Variants in DCAKD observed in about 807,000 individuals in gnomAD.
DCAKD encodes the protein dephospho-CoA kinase domain-containing protein.
DCAKD carries 15 observed loss-of-function variants against 18.7 expected under a neutral mutation model. The observed-to-expected ratio is 0.80, with a 90% CI of 0.54 to 1.24. DCAKD has a LOEUF of 1.24. Ranked by LOEUF, DCAKD falls within the 50% of genes most tolerant of loss-of-function variation. The probability of loss-of-function intolerance (pLI) is 0.00; values close to 1 mark genes in which losing one functional copy is unlikely to be tolerated. For synonymous variants in DCAKD, 130 were observed against 133.0 expected, an observed-to-expected ratio of 0.98 and a Z score of 0.16; for missense variants, 301 against 322.0, an observed-to-expected ratio of 0.93 and a Z score of 0.50.
At chr17:45,030,626 GAAACAAAC>G (rs750310923) in intron 3 of DCAKD, among the ~76,000 whole-genome samples, 1 of 152,182 alleles carries the variant, frequency 6.6e-6, no homozygotes, top group Non-Finnish European at 1.5e-5. Flanking sequence ...TTATTTCTCA[GAAACAAAC>G]AAACAAACAA....
intron 4 of DCAKD, among the ~76,000 whole-genome samples, chr17:45,027,030 C>T (rs565585156): frequency 6.6e-6 from 1 of 152,286 alleles, no homozygotes; most frequent in African/African-American, 2.4e-5. Flanking sequence ...ACTTATTCCA[C>T]AATTGACAAA....
At chr17:45,041,842 T>C (rs1461636745) in intron 1 of DCAKD, among the ~76,000 whole-genome samples, 1 of 151,660 alleles carries the variant, frequency 6.6e-6, no homozygotes, top group Non-Finnish European at 1.5e-5. Context: ...TGGGGGGCCA[T>C]GCATGGTGGC....
At chr17:45,037,186 G>C (rs1486193551) in intron 1 of DCAKD, among the ~76,000 whole-genome samples, 1 of 152,072 alleles carries the variant, frequency 6.6e-6, no homozygotes, top group African/African-American at 2.4e-5. Flanking sequence ...TCATTTCTAG[G>C]CCACGCACGG....
chr17:45,056,169 A>AG (rs1451303879), upstream of DCAKD, among the ~76,000 whole-genome samples: 1 of 151,566 alleles, frequency 6.6e-6, no homozygotes, highest in Non-Finnish European at 1.5e-5. Flanking sequence ...AAAAAAAAAA[A>AG]AAGAAGGTTA....
At chr17:45,025,943 G>C (rs1597936598) in intron 4 of DCAKD, among the ~76,000 whole-genome samples, 2 of 145,042 alleles carry the variant, frequency 1.4e-5, no homozygotes, top group African/African-American at 5.1e-5. Context: ...TTTTTTTTGA[G>C]ACGGAGTCTC....
At chr17:45,057,233 A>G (rs1385627121) in intron 1 of DCAKD, among the ~76,000 whole-genome samples, 1 of 151,736 alleles carries the variant, frequency 6.6e-6, no homozygotes, top group East Asian at 2.0e-4. Context: ...TTTTAGAGAC[A>G]GGGTCCTCTA....
rs913668981 is a variant in DCAKD at position 45,034,449 on chromosome 17, C to T, written c.113-59G>A. ...GAAGCCTCAGGGCCAGTCAGAGGAC[C>T]TCAGTGACCAGGGGCAAAATGATGG... On this transcript the variant is annotated intron_variant, in intron 2 of 4. Transcript: ENST00000651974. The T allele has an allele frequency of 3.8e-6, 6 of 1,587,302 alleles. No individual in the cohort carries two copies. The African/African-American group carries it at 8.1e-5, about 21-fold the overall frequency.
intron 3 of DCAKD, among the ~76,000 whole-genome samples, chr17:45,032,840 G>C (rs2053200666): frequency 6.6e-6 from 1 of 151,876 alleles, no homozygotes; most frequent in Admixed American, 6.6e-5. Flanking sequence ...TGTAGTGACT[G>C]AGAGTGGGGT....
intron 2 of DCAKD, 69 bp downstream of exon 2, chr17:45,034,705 G>A (rs1371510580): frequency 2.7e-6 from 4 of 1,500,480 alleles, no homozygotes; most frequent in Non-Finnish European, 3.6e-6. Context: ...AAAAAAAGGA[G>A]GCATGGCAGA....
At chr17:45,059,715 C>T (rs1195700255) in intron 1 of DCAKD, among the ~76,000 whole-genome samples, 1 of 152,120 alleles carries the variant, frequency 6.6e-6, no homozygotes, top group East Asian at 1.9e-4. Flanking sequence ...GGGCCTGGGG[C>T]ACACAGATCT....
chr17:45,034,773 C>G lies in DCAKD; in HGVS notation c.112+1G>C. On this transcript the variant is annotated splice_donor_variant, in intron 2 of 4. Transcript: ENST00000651974. LOFTEE classifies it high-confidence loss of function. ...CCCCCCAACCTGCCCCTCCAACTCA[C>G]CGTGCCGGGCCATCACGTCCACGTC... is the stretch of plus-strand genomic sequence containing the variant. 6.2e-7 allele frequency: 1 copy of G among 1,613,976 alleles called. No homozygotes were observed. The highest frequency in any genetic ancestry group is 8.5e-7 in the Non-Finnish European group (1 of 1,179,918).
At chr17:45,049,203 T>C (rs2053636938) in intron 1 of DCAKD, among the ~76,000 whole-genome samples, 1 of 152,120 alleles carries the variant, frequency 6.6e-6, no homozygotes, top group African/African-American at 2.4e-5. Flanking sequence ...TTTTGGAGGC[T>C]GAGATGCAAG....
intron 1 of DCAKD, among the ~76,000 whole-genome samples, chr17:45,050,143 C>A (rs1227698590): frequency 6.6e-6 from 1 of 151,886 alleles, no homozygotes; most frequent in Non-Finnish European, 1.5e-5. Flanking sequence ...CGGGTTCAAG[C>A]GATTTTTCTG....
intron 1 of DCAKD, among the ~76,000 whole-genome samples, chr17:45,038,949 T>C (rs2053367843): frequency 6.6e-6 from 1 of 152,196 alleles, no homozygotes; most frequent in Admixed American, 6.5e-5. Flanking sequence ...CAGGGACCTC[T>C]TGGGTAACCA....
chr17:45,036,601 G>T lies in DCAKD; in HGVS notation c.-114-1602C>A, dbSNP rs186943164. 2.7e-3 allele frequency among the ~76,000 whole-genome samples: 404 copies of T among 152,218 alleles called. 10 individuals are homozygous for T. The highest frequency in any genetic ancestry group is 6.3e-4 in the Non-Finnish European group (43 of 68,012). On this transcript the variant is annotated intron_variant, in intron 1 of 4. Transcript: ENST00000651974. ...TGGTAAATATCCCAAAAATGGAAGTGAGGATAGTGATACAGGGTGAAAAGT... is the reference window on the plus strand; with the variant it reads ...TGGTAAATATCCCAAAAATGGAAGTTAGGATAGTGATACAGGGTGAAAAGT...
intron 3 of DCAKD, 164 bp downstream of exon 3, chr17:45,034,023 T>C (rs2143228210): frequency 6.3e-7 from 1 of 1,596,132 alleles, no homozygotes; most frequent in East Asian, 2.2e-5. Context: ...GCTTCTTTCC[T>C]CTGGGGCTGG....
chr17:45,039,109 T>C (rs2053370984), intron 1 of DCAKD, among the ~76,000 whole-genome samples: 1 of 152,172 alleles, frequency 6.6e-6, no homozygotes, highest in Non-Finnish European at 1.5e-5. Context: ...CCCACTCACT[T>C]GGCTGCGCAC....
intron 1 of DCAKD, among the ~76,000 whole-genome samples, chr17:45,049,224 G>C (rs552431308): frequency 6.6e-6 from 1 of 152,228 alleles, no homozygotes; most frequent in Admixed American, 6.5e-5. Flanking sequence ...GATCACTTGA[G>C]ACCAGGAGTC....
At position 45,051,612 on chromosome 17, in the gene DCAKD, G is replaced by A. The variant is rs1377204025; in HGVS notation, c.-366C>T. 2 of 151,150 alleles carry A rather than the reference G, an allele frequency of 1.3e-5. No homozygotes were observed. The highest frequency in any genetic ancestry group is 1.5e-5 in the Non-Finnish European group (1 of 67,778). 9.4% of individuals were successfully genotyped at this position (151,150 alleles called of 1,614,324 possible). A position where few individuals can be genotyped will look rare whatever the true frequency, so the allele number is the denominator to read the frequency against. On this transcript the variant is annotated 5_prime_UTR_variant, in exon 1 of 5. Transcript: ENST00000651974. ...TAGCCCAATCTCCGCAGCGCTTACAGGCCGGCTCAGCGGGCGAGGCGGGAC... is the reference window on the plus strand; with the variant it reads ...TAGCCCAATCTCCGCAGCGCTTACAAGCCGGCTCAGCGGGCGAGGCGGGAC...
Sources: allele counts gnomAD v4.1 joint callset (sites outside exome capture counted in the v4.1 genomes callset), GRCh38; gene constraint gnomAD v4.1.1; transcripts MANE v1.5; gene names NCBI Gene and HGNC (gene_info 2026-07-23, HGNC 2026-07-21).